MAP2K5: variants seen among roughly 807,000 people sequenced by gnomAD.
MAP2K5 encodes mitogen-activated protein kinase kinase 5, also known as dual specificity mitogen-activated protein kinase kinase 5.
In MAP2K5, 49 loss-of-function variants were observed where a neutral mutation model predicts 83.1. That is an observed-to-expected ratio of 0.59 (90% CI 0.47 to 0.75). The LOEUF is 0.75. MAP2K5 is among the 30% of genes least tolerant of loss of function. MAP2K5 has a pLI of 0.00. For missense variants in MAP2K5, 457 were observed against 557.5 expected (o/e 0.82, Z 1.82); for synonymous variants, 202 against 191.8 (o/e 1.05, Z -0.44).
At chr15:67,628,930 A>G (rs138099492) in intron 8 of MAP2K5, 28 of 757,024 alleles carry the variant, frequency 3.7e-5, no homozygotes, top group Middle Eastern at 3.7e-4. Flanking sequence ...AATGGAAGCA[A>G]TTTTGGAGGT....
In MAP2K5 at chr15:67,653,181, T is replaced by C. The variant is rs548603753; in HGVS notation, c.737-5372T>C. On this transcript the variant is annotated intron_variant, in intron 11 of 21. Transcript: ENST00000178640. ...ATAATCCTTTTTATTTCTGCAAAGTTGGTAGTAATGTTCCCTCTTCCATTC... is the reference window on the plus strand; with the variant it reads ...ATAATCCTTTTTATTTCTGCAAAGTCGGTAGTAATGTTCCCTCTTCCATTC... 2.2e-4 allele frequency among the ~76,000 whole-genome samples: 34 copies of C among 152,340 alleles called. No homozygotes were observed. The South Asian group carries it at 6.8e-3, about 31-fold the overall frequency.
In MAP2K5 at chr15:67,727,204, AAC is replaced by A. The variant is rs371668871; in HGVS notation, c.1045-710_1045-709del. On this transcript the variant is annotated intron_variant, in intron 16 of 21. Coordinates refer to ENST00000178640, the MANE Select transcript of MAP2K5 (RefSeq NM_145160.3). Reference sequence around the variant, plus strand: ...GACAGAGCAAGACTCTGGCTCAAAAAACAGTTTATATCTTTTTGCTTTATATC... The same window carrying A: ...GACAGAGCAAGACTCTGGCTCAAAAAAGTTTATATCTTTTTGCTTTATATC... Among the ~76,000 whole-genome samples the A allele has an allele frequency of 1.6e-3, 251 of 152,296 alleles. 1 individual carries two copies. Among genetic ancestry groups the A allele is most frequent in the African/African-American group, 5.7e-3 (237 of 41,560 alleles).
chr15:67,747,439 G>A lies in MAP2K5; in HGVS notation c.1075-792G>A, dbSNP rs1219654853. ...TGTAAGCTTTATTTTTCCTGGATGG[G>A]GAGGCACTGAAGTGTTTAGTACTTT... On this transcript the variant is annotated intron_variant, in intron 17 of 21. Coordinates refer to ENST00000178640, the MANE Select transcript of MAP2K5 (RefSeq NM_145160.3). The surrounding 1 kb of genome is among the most constrained non-coding windows in gnomAD (Gnocchi z 4.1). Among the ~76,000 whole-genome samples the A allele has an allele frequency of 6.6e-6, 1 of 152,096 alleles. No individual in the cohort carries two copies. Among genetic ancestry groups the A allele is most frequent in the African/African-American group, 2.4e-5 (1 of 41,416 alleles).
chr15:67,571,711 A>G (rs1230054237), intron 3 of MAP2K5, among the ~76,000 whole-genome samples: 1 of 151,970 alleles, frequency 6.6e-6, no homozygotes, highest in Non-Finnish European at 1.5e-5. Context: ...CCCCATTTTT[A>G]CAGCAGAGGA....
Position 67,562,657 on chromosome 15 carries a change from A to G in MAP2K5, c.185-626A>G, listed in dbSNP as rs1170560412. Among the ~76,000 whole-genome samples the G allele has an allele frequency of 1.3e-5, 2 of 152,196 alleles. No individual in the cohort carries two copies. Among genetic ancestry groups the G allele is most frequent in the Non-Finnish European group, 2.9e-5 (2 of 68,040 alleles). On this transcript the variant is annotated intron_variant, in intron 2 of 21. Coordinates refer to ENST00000178640, the MANE Select transcript of MAP2K5 (RefSeq NM_145160.3). The surrounding 1 kb of genome is among the most constrained non-coding windows in gnomAD (Gnocchi z 4.1). Reference sequence around the variant, plus strand: ...AACTGTTCGGAAAAAGAGCTGCTAAATAGAATGGGGGAGACCTGTATTAGA... The same window carrying G: ...AACTGTTCGGAAAAAGAGCTGCTAAGTAGAATGGGGGAGACCTGTATTAGA...
chr15:67,585,220 A>G (rs1010202784), intron 4 of MAP2K5, among the ~76,000 whole-genome samples: 8 of 152,196 alleles, frequency 5.3e-5, no homozygotes, highest in African/African-American at 1.9e-4. Context: ...TGTATTTTTA[A>G]CATTTGTTGA....
At chr15:67,620,334 G>A (rs1470190712) in intron 8 of MAP2K5, among the ~76,000 whole-genome samples, 1 of 152,176 alleles carries the variant, frequency 6.6e-6, no homozygotes, top group Non-Finnish European at 1.5e-5. Flanking sequence ...CTGCACCACT[G>A]CACTCTAGCC....
chr15:67,771,316 T>C (rs956233644), intron 20 of MAP2K5, among the ~76,000 whole-genome samples: 5 of 152,168 alleles, frequency 3.3e-5, no homozygotes, highest in African/African-American at 1.2e-4. Flanking sequence ...CCGGAGGAGA[T>C]GTTGGATTTG....
At chr15:67,598,297 T>C (rs1430153181) in intron 7 of MAP2K5, among the ~76,000 whole-genome samples, 1 of 152,138 alleles carries the variant, frequency 6.6e-6, no homozygotes, top group Non-Finnish European at 1.5e-5. Context: ...AGAAAGACAT[T>C]ATAGGAACAC....
chr15:67,600,724 C>G lies in MAP2K5; in HGVS notation c.520C>G (p.His174Asp). The change falls in exon 8 of 22, where the codon CAT becomes GAT. Residue 174 changes from histidine to aspartate, a missense_variant. By Grantham distance (81) the His-to-Asp change is moderately conservative (BLOSUM62 -1). Coordinates refer to ENST00000178640, the MANE Select transcript of MAP2K5 (RefSeq NM_145160.3). ...CATACGATATCGGGACACTCTTGGT[C>G]ATGGCAACGGAGGCACAGTCTACAA... Reference protein sequence around the residue: ...QDIRYRDTLGHGNGGTVYKAY... With the variant: ...QDIRYRDTLGDGNGGTVYKAY... 6.2e-7 allele frequency: 1 copy of G among 1,608,722 alleles called. No individual in the cohort carries two copies. The highest frequency in any genetic ancestry group is 1.7e-5 in the Admixed American group (1 of 58,196).
At position 67,802,647 on chromosome 15, in the gene MAP2K5, G is replaced by C. The variant is rs191265830; in HGVS notation, c.1243-3999G>C. ...GGCACTGCCAGGTTCCACAGACATG[G>C]CTGTGCAGAAATGGTGCTAACATGC... On this transcript the variant is annotated intron_variant, in intron 21 of 21. Coordinates refer to ENST00000178640, the MANE Select transcript of MAP2K5 (RefSeq NM_145160.3). This position sits in a 1 kb window ranked among gnomAD's most constrained non-coding sequence, Gnocchi z 5.0. Among the ~76,000 whole-genome samples the C allele has an allele frequency of 2.9e-3, 442 of 152,374 alleles. 1 individual carries two copies. Among genetic ancestry groups the C allele is most frequent in the African/African-American group, 0.01 (426 of 41,596 alleles).
intron 21 of MAP2K5, among the ~76,000 whole-genome samples, chr15:67,792,611 A>G (rs1284095929): frequency 4.6e-5 from 7 of 152,318 alleles, no homozygotes; most frequent in Admixed American, 2.0e-4. Context: ...TCCAGACCCT[A>G]AAATATAAAA....
At chr15:67,603,758 A>G (rs1199668078) in intron 8 of MAP2K5, among the ~76,000 whole-genome samples, 5 of 152,214 alleles carry the variant, frequency 3.3e-5, no homozygotes, top group Admixed American at 6.5e-5. Context: ...TTGATGTGTT[A>G]TGATTGAGTT....
At position 67,804,139 on chromosome 15, in the gene MAP2K5, C is replaced by T. The variant is rs150695874; in HGVS notation, c.1243-2507C>T. Among the ~76,000 whole-genome samples the T allele has an allele frequency of 5.2e-3, 793 of 152,258 alleles. 6 individuals are homozygous for T. Among genetic ancestry groups the T allele is most frequent in the African/African-American group, 0.017 (717 of 41,536 alleles). On this transcript the variant is annotated intron_variant, in intron 21 of 21. Coordinates refer to ENST00000178640, the MANE Select transcript of MAP2K5 (RefSeq NM_145160.3). ...GGCCCCAGGGTCTCCAGTGCCGTCA[C>T]GACCCCCCGCCTGCCTGCCTCTGGA...
chr15:67,684,394 A>T (rs1477746919), intron 13 of MAP2K5, among the ~76,000 whole-genome samples: 1 of 152,334 alleles, frequency 6.6e-6, no homozygotes, highest in East Asian at 1.9e-4. Flanking sequence ...GGTTACTCTC[A>T]ACTCTCCTAA....
At chr15:67,680,132 G>A (rs980408084) in intron 13 of MAP2K5, among the ~76,000 whole-genome samples, 2 of 152,190 alleles carry the variant, frequency 1.3e-5, no homozygotes, top group African/African-American at 4.8e-5. Flanking sequence ...AGATGTGTCT[G>A]TATTATAGCA....
chr15:67,562,672 C>T lies in MAP2K5; in HGVS notation c.185-611C>T, dbSNP rs1439619608. On this transcript the variant is annotated intron_variant, in intron 2 of 21. Coordinates refer to ENST00000178640, the MANE Select transcript of MAP2K5 (RefSeq NM_145160.3). This position sits in a 1 kb window ranked among gnomAD's most constrained non-coding sequence, Gnocchi z 4.1. ...GAGCTGCTAAATAGAATGGGGGAGA[C>T]CTGTATTAGAGCTGCTTTACAAGTT... Among the ~76,000 whole-genome samples the T allele has an allele frequency of 1.3e-5, 2 of 152,098 alleles. No individual in the cohort carries two copies. The highest frequency in any genetic ancestry group is 4.8e-5 in the African/African-American group (2 of 41,420).
chr15:67,685,116 A>C (rs1352344192), intron 13 of MAP2K5, among the ~76,000 whole-genome samples: 1 of 152,198 alleles, frequency 6.6e-6, no homozygotes, highest in Non-Finnish European at 1.5e-5. Flanking sequence ...AATGAACCCT[A>C]ACCAGGATGA....
chr15:67,630,503 A>C (rs1418469173), intron 8 of MAP2K5, among the ~76,000 whole-genome samples: 2 of 152,162 alleles, frequency 1.3e-5, no homozygotes, highest in African/African-American at 2.4e-5. Flanking sequence ...CTTAACATAG[A>C]GCTATAGAGA....
Sources: allele counts gnomAD v4.1 joint callset (sites outside exome capture counted in the v4.1 genomes callset), GRCh38; gene constraint gnomAD v4.1.1; non-coding constraint Gnocchi (gnomAD v3.1); transcripts MANE v1.5; gene names NCBI Gene and HGNC (gene_info 2026-07-23, HGNC 2026-07-21).